Variants in TMPRSS9 observed in about 807,000 individuals in gnomAD.
TMPRSS9 encodes the protein transmembrane protease serine 9.
Under a neutral mutation model 111.4 loss-of-function variants are expected in TMPRSS9, and 113 were observed. The ratio of observed to expected loss-of-function variants is 1.01; its 90% CI spans 0.87 to 1.19. The LOEUF (loss-of-function observed/expected upper bound fraction) is 1.19. Ranked by LOEUF, TMPRSS9 falls within the 50% of genes most tolerant of loss-of-function variation. The probability of loss-of-function intolerance (pLI) is 0.00; values close to 1 mark genes in which losing one functional copy is unlikely to be tolerated. For synonymous variants in TMPRSS9, 805 were observed against 659.1 expected, an observed-to-expected ratio of 1.22 and a Z score of -3.39; for missense variants, 1,803 against 1,513.1, an observed-to-expected ratio of 1.19 and a Z score of -3.18.
intron 1 of TMPRSS9, among the ~76,000 whole-genome samples, chr19:2,363,326 C>T (rs916173304): frequency 4.6e-5 from 7 of 152,068 alleles, no homozygotes; most frequent in Admixed American, 6.6e-5. Flanking sequence ...GTCCGCGGGG[C>T]GAGAGCTTGC....
chr19:2,418,259 C>T (rs1389266692), intron 13 of TMPRSS9, 121 bp downstream of exon 14: 3 of 1,112,890 alleles, frequency 2.7e-6, no homozygotes, highest in Non-Finnish European at 3.6e-6. Context: ...CCCCTCCTTC[C>T]CTCCTTGTCC....
chr19:2,408,031 C>A (rs1326822127), intron 7 of TMPRSS9, among the ~76,000 whole-genome samples: 4 of 151,918 alleles, frequency 2.6e-5, no homozygotes, highest in African/African-American at 9.7e-5. Flanking sequence ...ATCCTCCCGC[C>A]TCAGCCTCCC....
exon 16 of TMPRSS9, chr19:2,425,125 C>T (rs145674381): frequency 1.7e-5 from 27 of 1,582,378 alleles, no homozygotes; most frequent in East Asian, 1.1e-4. Flanking sequence ...ACACGCTCGA[C>T]TACGACGTGG....
At chr19:2,365,794 T>C (rs1348014783) in intron 1 of TMPRSS9, among the ~76,000 whole-genome samples, 2 of 151,572 alleles carry the variant, frequency 1.3e-5, no homozygotes, top group African/African-American at 4.9e-5. Context: ...CAAGACCCCA[T>C]CTGTACAAAA....
chr19:2,394,062 T>C (rs1400423356), intron 1 of TMPRSS9, among the ~76,000 whole-genome samples: 1 of 151,990 alleles, frequency 6.6e-6, no homozygotes, highest in African/African-American at 2.4e-5. Context: ...CATTAGTTGG[T>C]CATGGTGGCA....
At chr19:2,402,366 C>T (rs1970868593) in intron 5 of TMPRSS9, among the ~76,000 whole-genome samples, 1 of 151,984 alleles carries the variant, frequency 6.6e-6, no homozygotes, top group African/African-American at 2.4e-5. Context: ...CGCTTGAACC[C>T]AGGAGGCAGA....
chr19:2,415,228 A>T (rs1971199693), intron 10 of TMPRSS9, among the ~76,000 whole-genome samples: 1 of 152,068 alleles, frequency 6.6e-6, no homozygotes, highest in African/African-American at 2.4e-5. Context: ...AACAGGCATG[A>T]GCCACCGCGC....
intron 2 of TMPRSS9, among the ~76,000 whole-genome samples, chr19:2,396,914 T>TTC (rs1040477339): frequency 1.6e-5 from 2 of 127,210 alleles, no homozygotes; most frequent in African/African-American, 3.5e-5. Flanking sequence ...CATTTAGAGG[T>TTC]TTTTTTTTTT....
At chr19:2,413,875 C>G in exon 10 of TMPRSS9, 1 of 1,613,578 alleles carries the variant, frequency 6.2e-7, no homozygotes, top group Non-Finnish European at 8.5e-7. Flanking sequence ...ATGCCTCTGG[C>G]CCCCACCATG....
At chr19:2,391,362 G>T (rs1020022818) in intron 1 of TMPRSS9, among the ~76,000 whole-genome samples, 10 of 142,744 alleles carry the variant, frequency 7.0e-5, no homozygotes, top group Non-Finnish European at 1.5e-4. Flanking sequence ...ATCCTCCTAG[G>T]TTTTTTTTTT....
chr19:2,381,578 C>CGCCCCTGCCTCGCTCCACGCT (rs1862328160), intron 1 of TMPRSS9, among the ~76,000 whole-genome samples: 1 of 151,572 alleles, frequency 6.6e-6, no homozygotes, highest in African/African-American at 2.4e-5. Context: ...GCCTCCCCAC[C>CGCCCCTGCCTCGCTCCACGCT]GCCCCTGCCT....
At chr19:2,414,941 ATTTTTTTT>A (rs909082554) in intron 10 of TMPRSS9, among the ~76,000 whole-genome samples, 1 of 127,160 alleles carries the variant, frequency 7.9e-6, no homozygotes, top group Non-Finnish European at 1.7e-5. Context: ...TTGCATTCCT[ATTTTTTTT>A]TTTTTTTTTT....
intron 12 of TMPRSS9, among the ~76,000 whole-genome samples, chr19:2,417,283 T>C (rs138627505): frequency 1.3e-5 from 2 of 151,946 alleles, no homozygotes; most frequent in Non-Finnish European, 2.9e-5. Flanking sequence ...CTGGCCAACA[T>C]GGTGAAACCC....
At chr19:2,378,538 T>A (rs139745335) in intron 1 of TMPRSS9, among the ~76,000 whole-genome samples, 3 of 152,050 alleles carry the variant, frequency 2.0e-5, no homozygotes, top group African/African-American at 7.2e-5. Context: ...GCCAATATGG[T>A]GAAACCCCAT....
At chr19:2,425,854 A>G (rs988891589) in intron 17 of TMPRSS9, 73 bp from the exon 19 acceptor site, 25 of 1,504,698 alleles carry the variant, frequency 1.7e-5, no homozygotes, top group Non-Finnish European at 2.1e-5. Context: ...TCACTCCTAG[A>G]GGGGCCAATG....
At chr19:2,410,843 C>A (rs550121455) in intron 9 of TMPRSS9, among the ~76,000 whole-genome samples, 185 of 152,280 alleles carry the variant, frequency 1.2e-3, no homozygotes, top group African/African-American at 4.4e-3. Context: ...GGGCCTGATA[C>A]AACGTGGCAC....
chr19:2,402,711 C>A (rs1262140077), intron 5 of TMPRSS9, among the ~76,000 whole-genome samples: 1 of 151,982 alleles, frequency 6.6e-6, no homozygotes, highest in Middle Eastern at 3.2e-3. Flanking sequence ...GCACTCCAGG[C>A]TGGGCAACAA....
chr19:2,397,256 G>C (rs1269588595), intron 2 of TMPRSS9, among the ~76,000 whole-genome samples: 1 of 151,916 alleles, frequency 6.6e-6, no homozygotes, highest in Non-Finnish European at 1.5e-5. Flanking sequence ...ATTCTAAAGG[G>C]GAATCAGAGC....
intron 1 of TMPRSS9, among the ~76,000 whole-genome samples, chr19:2,375,495 G>A (rs1408756786): frequency 6.6e-6 from 1 of 151,842 alleles, no homozygotes; most frequent in Non-Finnish European, 1.5e-5. Context: ...ATGGAGGGGT[G>A]GGAACTGTGA....
Sources: allele counts gnomAD v4.1 joint callset (sites outside exome capture counted in the v4.1 genomes callset), GRCh38; gene constraint gnomAD v4.1.1; transcripts MANE v1.5; gene names NCBI Gene and HGNC (gene_info 2026-07-23, HGNC 2026-07-21).